CFAP299: variants seen among roughly 807,000 people sequenced by gnomAD.
CFAP299 encodes cilia- and flagella-associated protein 299.
A neutral mutation model predicts 27.0 loss-of-function variants in CFAP299; 21 were observed. The ratio of observed to expected loss-of-function variants is 0.78; its 90% CI spans 0.55 to 1.12. CFAP299 has a LOEUF of 1.12. CFAP299 is among the 50% of genes most tolerant of loss of function. The probability of loss-of-function intolerance (pLI) is 0.00; values close to 1 mark genes in which losing one functional copy is unlikely to be tolerated. For missense variants in CFAP299, 310 were observed against 276.6 expected (o/e 1.12, Z -0.86); for synonymous variants, 104 against 98.1 (o/e 1.06, Z -0.36).
intron 2 of CFAP299, among the ~76,000 whole-genome samples, chr4:80,373,184 A>G (rs1724232712): frequency 6.6e-6 from 1 of 152,010 alleles, no homozygotes; most frequent in South Asian, 2.1e-4. Context: ...AGGATAAACT[A>G]ACCCTTGGCC....
At chr4:80,354,948 T>C (rs1265428032) in intron 1 of CFAP299, among the ~76,000 whole-genome samples, 2 of 152,220 alleles carry the variant, frequency 1.3e-5, no homozygotes, top group Admixed American at 1.3e-4. Context: ...TGAATCTAGA[T>C]TGATTCACTG....
chr4:80,523,008 G>A (rs895110684), intron 2 of CFAP299, among the ~76,000 whole-genome samples: 4 of 145,550 alleles, frequency 2.7e-5, no homozygotes, highest in African/African-American at 1.1e-4. Flanking sequence ...ATGAATTTTA[G>A]GATTGTATTT....
chr4:80,434,391 T>A (rs1009872183), intron 2 of CFAP299, among the ~76,000 whole-genome samples: 8 of 152,226 alleles, frequency 5.3e-5, no homozygotes. Context: ...AGGTGATTTG[T>A]GCAGCTTCCA....
intron 4 of CFAP299, among the ~76,000 whole-genome samples, chr4:80,884,556 C>A (rs1405504520): frequency 6.0e-5 from 9 of 148,826 alleles, no homozygotes; most frequent in African/African-American, 2.2e-4. Context: ...TCAGAAAAAA[C>A]AAAATATTTC....
At chr4:80,784,237 T>C (rs1232985723) in intron 3 of CFAP299, among the ~76,000 whole-genome samples, 3 of 152,208 alleles carry the variant, frequency 2.0e-5, no homozygotes, top group Non-Finnish European at 4.4e-5. Flanking sequence ...TTTGTGTATA[T>C]ACCCAGAGGA....
chr4:80,740,390 G>A (rs1487796730), intron 3 of CFAP299, among the ~76,000 whole-genome samples: 2 of 152,160 alleles, frequency 1.3e-5, no homozygotes, highest in Non-Finnish European at 2.9e-5. Flanking sequence ...CTGCTTTGGT[G>A]GTCTTGGATA....
intron 4 of CFAP299, among the ~76,000 whole-genome samples, chr4:80,933,776 T>C (rs1270084266): frequency 6.6e-6 from 1 of 152,118 alleles, no homozygotes; most frequent in Non-Finnish European, 1.5e-5. Flanking sequence ...TTATTATTGA[T>C]TTTATCCTGT....
chr4:80,847,531 C>A (rs939986263), intron 3 of CFAP299, among the ~76,000 whole-genome samples: 8 of 152,144 alleles, frequency 5.3e-5, no homozygotes, highest in African/African-American at 1.9e-4. Flanking sequence ...CCCTACATGC[C>A]ATCTATTAGT....
chr4:80,741,938 G>A (rs755574307), intron 3 of CFAP299, among the ~76,000 whole-genome samples: 9 of 152,130 alleles, frequency 5.9e-5, no homozygotes, highest in Non-Finnish European at 1.0e-4. Flanking sequence ...CACTGCCTGA[G>A]CCCAGAACAG....
intron 1 of CFAP299, among the ~76,000 whole-genome samples, chr4:80,342,156 A>T (rs146220135): frequency 1.4e-3 from 214 of 152,392 alleles, no homozygotes; most frequent in African/African-American, 4.7e-3. Flanking sequence ...CCTGTGAGAA[A>T]TATGAGACTA....
At chr4:80,626,488 A>G (rs888854895) in intron 3 of CFAP299, among the ~76,000 whole-genome samples, 1 of 151,848 alleles carries the variant, frequency 6.6e-6, no homozygotes, top group African/African-American at 2.4e-5. Flanking sequence ...AAAAAACAGG[A>G]ATAAACTAAG....
chr4:80,756,956 A>G (rs1016664383), intron 3 of CFAP299, among the ~76,000 whole-genome samples: 1 of 152,216 alleles, frequency 6.6e-6, no homozygotes, highest in African/African-American at 2.4e-5. Flanking sequence ...AAAATAATGT[A>G]TTTGACATTC....
chr4:80,354,830 T>C (rs528887436), intron 1 of CFAP299, among the ~76,000 whole-genome samples: 1 of 152,290 alleles, frequency 6.6e-6, no homozygotes, highest in Non-Finnish European at 1.5e-5. Flanking sequence ...GCTCCATCCA[T>C]TTCCCTGCAA....
At chr4:80,641,886 A>G (rs560504456) in intron 3 of CFAP299, among the ~76,000 whole-genome samples, 4 of 152,252 alleles carry the variant, frequency 2.6e-5, no homozygotes, top group Admixed American at 2.0e-4. Context: ...ATGAAGTACA[A>G]TTTGACAAGT....
chr4:80,648,535 G>A (rs1740137008), intron 3 of CFAP299, among the ~76,000 whole-genome samples: 1 of 152,002 alleles, frequency 6.6e-6, no homozygotes, highest in Non-Finnish European at 1.5e-5. Flanking sequence ...CCTCTTTCGT[G>A]GTTCTGGGAC....
At chr4:80,796,802 A>G (rs948710856) in intron 3 of CFAP299, among the ~76,000 whole-genome samples, 75 of 152,000 alleles carry the variant, frequency 4.9e-4, no homozygotes, top group African/African-American at 1.6e-3. Context: ...ATTGTTTTTG[A>G]TTTACTATTT....
intron 5 of CFAP299, among the ~76,000 whole-genome samples, chr4:80,953,003 C>A (rs1737862401): frequency 1.3e-5 from 2 of 152,142 alleles, no homozygotes; most frequent in African/African-American, 2.4e-5. Flanking sequence ...TCTCTTGGAA[C>A]CTCGCCCTTC....
intron 2 of CFAP299, among the ~76,000 whole-genome samples, chr4:80,553,219 G>A (rs775081666): frequency 3.3e-5 from 5 of 151,886 alleles, no homozygotes; most frequent in South Asian, 4.2e-4. Flanking sequence ...GTTCTCATAC[G>A]CACTAATAAA....
intron 5 of CFAP299, among the ~76,000 whole-genome samples, chr4:80,959,278 A>G (rs960025213): frequency 6.6e-6 from 1 of 152,110 alleles, no homozygotes; most frequent in African/African-American, 2.4e-5. Context: ...CATAATTGCT[A>G]ATACAAGAAA....
Sources: allele counts gnomAD v4.1 joint callset (sites outside exome capture counted in the v4.1 genomes callset), GRCh38; gene constraint gnomAD v4.1.1; transcripts MANE v1.5; gene names NCBI Gene and HGNC (gene_info 2026-07-23, HGNC 2026-07-21).